The following FER variants were observed in gnomAD, a reference collection of about 807,000 sequenced individuals.
FER encodes tyrosine-protein kinase Fer.
FER carries 63 observed loss-of-function variants against 111.0 expected under a neutral mutation model. That is an observed-to-expected ratio of 0.57 (90% CI 0.46 to 0.70). The LOEUF is 0.70. Among genes scored for constraint, FER ranks in the 30% least tolerant of loss-of-function variants. FER has a pLI of 0.00. For missense variants in FER, 914 were observed against 954.0 expected, an observed-to-expected ratio of 0.96 and a Z score of 0.55; for synonymous variants, 327 against 313.9, an observed-to-expected ratio of 1.04 and a Z score of -0.44.
chr5:108,912,657 G>A (rs932938475), intron 10 of FER, among the ~76,000 whole-genome samples: 1 of 152,150 alleles, frequency 6.6e-6, no homozygotes, highest in Admixed American at 6.5e-5. Context: ...GAGCCACTGT[G>A]CGTGGCCCTA....
rs535504940 is a variant in FER, at chr5:109,002,762, A to C, written c.1657-34660A>C. On this transcript the variant is annotated intron_variant, in intron 13 of 19. Transcript: ENST00000281092. Reference sequence around the variant, plus strand: ...AATATCCAGAATCTACAATGAACTCAAATTTACAAGAAAAAAACAACCGCA... The same window carrying C: ...AATATCCAGAATCTACAATGAACTCCAATTTACAAGAAAAAAACAACCGCA... Among the ~76,000 whole-genome samples the C allele has an allele frequency of 3.9e-5, 6 of 152,360 alleles. No individual in the cohort carries two copies. The South Asian group carries it at 1.2e-3, about 32-fold the overall frequency.
chr5:109,179,613 G>A (rs1758065090), intron 17 of FER, among the ~76,000 whole-genome samples: 1 of 152,056 alleles, frequency 6.6e-6, no homozygotes, highest in Admixed American at 6.6e-5. Flanking sequence ...CAACCATCCA[G>A]AGATTTTTTT....
At chr5:109,102,304 T>A (rs1197993440) in intron 17 of FER, among the ~76,000 whole-genome samples, 1 of 152,144 alleles carries the variant, frequency 6.6e-6, no homozygotes, top group Admixed American at 6.6e-5. Context: ...CATAGACCTA[T>A]GCCATTTGCC....
chr5:108,842,683 C>T (rs966047951), intron 5 of FER: 1 of 152,058 alleles, frequency 6.6e-6, no homozygotes, highest in Non-Finnish European at 1.5e-5. Flanking sequence ...CAAATCAAAA[C>T]CACAATGTGA....
intron 16 of FER, among the ~76,000 whole-genome samples, chr5:109,086,607 T>C (rs1322282780): frequency 2.0e-5 from 3 of 151,778 alleles, no homozygotes; most frequent in Middle Eastern, 3.2e-3. Flanking sequence ...TAGAAATGTA[T>C]GTAGATTAAT....
In FER at chr5:108,886,414, A is replaced by T. The variant is rs561791425; in HGVS notation, c.1046+2896A>T. On this transcript the variant is annotated intron_variant, in intron 9 of 19. Transcript: ENST00000281092. ...TTTATATATATATATTATAACATAT[A>T]AACATATATATTATATATAACATAC... Among the ~76,000 whole-genome samples, 3 of 148,622 alleles carry T rather than the reference A, an allele frequency of 2.0e-5. No homozygotes were observed. The South Asian group carries it at 6.3e-4, about 31-fold the overall frequency.
intron 11 of FER, among the ~76,000 whole-genome samples, chr5:108,946,767 A>T (rs532732343): frequency 4.6e-5 from 7 of 150,574 alleles, no homozygotes; most frequent in African/African-American, 1.7e-4. Context: ...TCTCATACAC[A>T]TGAACAAACA....
intron 10 of FER, among the ~76,000 whole-genome samples, chr5:108,911,715 T>C (rs1434065461): frequency 6.6e-6 from 1 of 152,188 alleles, no homozygotes; most frequent in African/African-American, 2.4e-5. Context: ...ATTTATTGGA[T>C]AGGGTAGCCT....
intron 17 of FER, among the ~76,000 whole-genome samples, chr5:109,142,640 G>A (rs1325146903): frequency 6.6e-6 from 1 of 152,086 alleles, no homozygotes; most frequent in African/African-American, 2.4e-5. Flanking sequence ...AGCATATACA[G>A]TATATGGTAT....
At chr5:109,127,496 C>G (rs532466953) in intron 17 of FER, among the ~76,000 whole-genome samples, 1 of 152,218 alleles carries the variant, frequency 6.6e-6, no homozygotes, top group East Asian at 1.9e-4. Context: ...CTCCACCTCC[C>G]AGGTTCAAGG....
chr5:109,114,489 T>G (rs1429918318), intron 17 of FER, among the ~76,000 whole-genome samples: 1 of 152,058 alleles, frequency 6.6e-6, no homozygotes, highest in Non-Finnish European at 1.5e-5. Flanking sequence ...TTGGAACTTT[T>G]GAGGATAATA....
At chr5:108,902,494 A>G (rs1288651614) in intron 10 of FER, among the ~76,000 whole-genome samples, 3 of 152,190 alleles carry the variant, frequency 2.0e-5, no homozygotes, top group Non-Finnish European at 2.9e-5. Context: ...AAACAGTAAT[A>G]TTGACTGCAG....
chr5:109,128,229 GT>G (rs538696603), intron 17 of FER, among the ~76,000 whole-genome samples: 1,864 of 145,702 alleles, frequency 0.013, 18 homozygotes, highest in Non-Finnish European at 0.021. Context: ...AGATATACAA[GT>G]TTTTTTTTTT....
chr5:108,925,982 A>G (rs2149565851), intron 10 of FER, among the ~76,000 whole-genome samples: 1 of 152,010 alleles, frequency 6.6e-6, no homozygotes, highest in East Asian at 1.9e-4. Context: ...GCATAACTTA[A>G]ATTTTTTTAA....
chr5:108,830,976 G>C (rs1338045381), intron 3 of FER, among the ~76,000 whole-genome samples: 1 of 152,130 alleles, frequency 6.6e-6, no homozygotes, highest in Admixed American at 6.5e-5. Flanking sequence ...GTTGGATTAG[G>C]AGATACTGAG....
intron 10 of FER, 68 bp from the exon 11 acceptor site, chr5:108,946,062 A>G (rs1410860736): frequency 2.8e-6 from 3 of 1,065,588 alleles, no homozygotes; most frequent in Non-Finnish European, 4.3e-6. Flanking sequence ...TAAGTACCTA[A>G]ATACATAAAT....
chr5:109,014,714 A>G (rs918245829), intron 13 of FER: 24 of 152,248 alleles, frequency 1.6e-4, no homozygotes, highest in Middle Eastern at 3.4e-3. Context: ...CTACCCATGA[A>G]CATGGAATAT....
intron 13 of FER, among the ~76,000 whole-genome samples, chr5:108,972,822 A>G (rs1234234393): frequency 2.0e-5 from 3 of 152,168 alleles, no homozygotes; most frequent in Non-Finnish European, 4.4e-5. Flanking sequence ...GTTTACATTT[A>G]TGTGTGGCAT....
At chr5:108,839,678 C>T (rs1470015236) in intron 5 of FER, among the ~76,000 whole-genome samples, 1 of 149,446 alleles carries the variant, frequency 6.7e-6, no homozygotes, top group Non-Finnish European at 1.5e-5. Flanking sequence ...CCCAGATTCA[C>T]GCCATTCTCC....
Sources: gnomAD v4.1 joint callset for allele counts (sites outside exome capture counted in the v4.1 genomes callset) on GRCh38, gnomAD v4.1.1 for gene constraint, MANE v1.5 for transcripts, NCBI Gene and HGNC (gene_info 2026-07-23, HGNC 2026-07-21) for gene names.